The following ACACB variants were observed in gnomAD, a reference collection of about 807,000 sequenced individuals.
ACACB encodes the protein acetyl-CoA carboxylase 2.
Under a neutral mutation model 278.8 loss-of-function variants are expected in ACACB, and 209 were observed. The observed-to-expected ratio is 0.75, with a 90% CI of 0.67 to 0.84. The LOEUF (loss-of-function observed/expected upper bound fraction) is 0.84. ACACB is among the 40% of genes least tolerant of loss of function. ACACB has a pLI of 0.00. For missense variants in ACACB, 2,850 were observed against 3,269.0 expected (o/e 0.87, Z 3.13); for synonymous variants, 1,174 against 1,285.6 (o/e 0.91, Z 1.86).
At chr12:109,169,939 C>T (rs1385337128) in intron 4 of ACACB, among the ~76,000 whole-genome samples, 1 of 152,152 alleles carries the variant, frequency 6.6e-6, no homozygotes, top group Non-Finnish European at 1.5e-5. Context: ...GGATTTCTTT[C>T]TGTGTTTGCA....
At chr12:109,223,327 C>G (rs192622911) in intron 26 of ACACB, among the ~76,000 whole-genome samples, 3 of 152,126 alleles carry the variant, frequency 2.0e-5, no homozygotes, top group African/African-American at 7.2e-5. Flanking sequence ...GCCGTCATCC[C>G]GGAGTTCTTC....
intron 2 of ACACB, among the ~76,000 whole-genome samples, chr12:109,160,205 G>T (rs2043680836): frequency 2.0e-5 from 3 of 152,108 alleles, no homozygotes; most frequent in African/African-American, 7.2e-5. Flanking sequence ...TAAAAGTCCA[G>T]TTAATAGAGG....
At chr12:109,261,609 G>A (rs1291945450) in intron 48 of ACACB, among the ~76,000 whole-genome samples, 1 of 152,080 alleles carries the variant, frequency 6.6e-6, no homozygotes, top group Non-Finnish European at 1.5e-5. Context: ...GGTGGCTCAC[G>A]CCTGTAATCC....
chr12:109,198,555 G>A (rs2045219752), intron 17 of ACACB, among the ~76,000 whole-genome samples: 1 of 152,142 alleles, frequency 6.6e-6, no homozygotes, highest in African/African-American at 2.4e-5. Context: ...GATTAGCCAA[G>A]TGTGGTGGCG....
intron 3 of ACACB, among the ~76,000 whole-genome samples, chr12:109,167,655 T>TATATATATATATATATATATATATA (rs1438380921): frequency 1.5e-5 from 1 of 66,504 alleles, no homozygotes; most frequent in African/African-American, 7.3e-5. Context: ...ATATATATAT[T>TATATATATATATATATATATATATA]TCAGACAAAC....
At chr12:109,197,238 G>C (rs752070128) in intron 17 of ACACB, 85 bp downstream of exon 17, 10 of 1,498,928 alleles carry the variant, frequency 6.7e-6, no homozygotes, top group Non-Finnish European at 8.9e-6. Flanking sequence ...TGGCCTGTGT[G>C]CAGGTCCAAG....
Position 109,266,754 on chromosome 12 carries a change from A to G in ACACB, c.*392A>G, listed in dbSNP as rs2136882578. ...TTTATTTTTTTACTCTGAGACCAGC[A>G]CCAGATGTAAGTAAGCATCTCATAT... On this transcript the variant is annotated 3_prime_UTR_variant, in exon 53 of 53. Transcript: ENST00000338432. 1 of 154,708 alleles carries G rather than the reference A, an allele frequency of 6.5e-6. No homozygotes were observed. Among genetic ancestry groups the G allele is most frequent in the Admixed American group, 6.5e-5 (1 of 15,344 alleles). The allele number at this position is 154,708 out of a possible 1,614,324, so 9.6% of individuals were successfully genotyped here. A position where few individuals can be genotyped will look rare whatever the true frequency, so the allele number is the denominator to read the frequency against.
Position 109,241,111 on chromosome 12 carries a change from T to A in ACACB, c.4852T>A (p.Tyr1618Asn), listed in dbSNP as rs562107218. ...EESVRYMVMRYGSRLWKLRVL... is the reference protein window; with the variant it reads ...EESVRYMVMRNGSRLWKLRVL... The stretch of plus-strand genomic sequence containing the variant: ...GTCCGTGCGCTACATGGTTATGCGC[T>A]ACGGCAGCCGGCTGTGGAAACTCCG... Residue 1618 changes from tyrosine to asparagine, a missense_variant, in exon 36 of 53, where the codon TAC (tyrosine) becomes AAC (asparagine). Tyr to Asn is a moderately radical substitution (Grantham distance 143, BLOSUM62 -2). This residue lies in a region of ACACB where 2,265 missense variants were observed against 2,561.3 expected (regional missense o/e 0.88). Transcript: ENST00000338432. 2 of 1,614,178 alleles carry A rather than the reference T, an allele frequency of 1.2e-6. No individual in the cohort carries two copies. Among genetic ancestry groups the A allele is most frequent in the Non-Finnish European group, 1.7e-6 (2 of 1,180,036 alleles).
intron 28 of ACACB, 97 bp from the exon 29 acceptor site, chr12:109,232,572 A>G: frequency 6.8e-7 from 1 of 1,464,082 alleles, no homozygotes; most frequent in South Asian, 1.3e-5. Context: ...AGAGCTCTAA[A>G]TCTGGTCCAG....
chr12:109,155,137 G>A (rs2043495300), intron 2 of ACACB, among the ~76,000 whole-genome samples: 1 of 152,188 alleles, frequency 6.6e-6, no homozygotes, highest in Admixed American at 6.5e-5. Context: ...GGCGGGAGGG[G>A]AGGAAGGAGG....
intron 22 of ACACB, among the ~76,000 whole-genome samples, chr12:109,214,681 T>A (rs2045942355): frequency 1.3e-5 from 2 of 152,192 alleles, no homozygotes; most frequent in African/African-American, 4.8e-5. Context: ...CTTGGTCTGT[T>A]TTGTTGTGAT....
chr12:109,212,360 C>T (rs117880879), intron 21 of ACACB, among the ~76,000 whole-genome samples: 7,459 of 152,090 alleles, frequency 0.049, 236 homozygotes, highest in Middle Eastern at 0.075. Context: ...ATTTATGGTG[C>T]ACTTTATTTC....
At chr12:109,150,818 C>A (rs538451051) in intron 2 of ACACB, among the ~76,000 whole-genome samples, 2 of 152,248 alleles carry the variant, frequency 1.3e-5, no homozygotes, top group African/African-American at 4.8e-5. Flanking sequence ...TATTTTTATG[C>A]GCCCCTGAGT....
At chr12:109,163,049 A>G (rs1173849441) in intron 2 of ACACB, among the ~76,000 whole-genome samples, 1 of 151,942 alleles carries the variant, frequency 6.6e-6, no homozygotes, top group Non-Finnish European at 1.5e-5. Flanking sequence ...TCAGCCTCCC[A>G]TGTAGGGGGG....
rs969688290 is a variant in ACACB at position 109,216,879 on chromosome 12, G to A, written c.3523G>A (p.Ala1175Thr). The change falls in exon 24 of 53, where the codon GCA becomes ACA. Residue 1175 changes from alanine to threonine, a missense_variant. Physicochemically the swap from Ala to Thr is moderately conservative, Grantham distance 58 (BLOSUM62 0). This residue lies in a region of ACACB where 2,265 missense variants were observed against 2,561.3 expected (regional missense o/e 0.88). Coordinates refer to ENST00000338432, the MANE Select transcript of ACACB (RefSeq NM_001093.4). ...GGTGCTGGACTGCATCTTCTCCCAC[G>A]CACAGGTGGCCAAGAAGAACCAGCT... is the stretch of plus-strand genomic sequence containing the variant. ...SQVLDCIFSHAQVAKKNQLVI... is the reference protein window; with the variant it reads ...SQVLDCIFSHTQVAKKNQLVI... 2.5e-5 allele frequency: 40 copies of A among 1,613,880 alleles called. No individual in the cohort carries two copies. The highest frequency in any genetic ancestry group is 3.1e-5 in the Non-Finnish European group (36 of 1,180,022).
At chr12:109,253,222 G>A in intron 43 of ACACB, 64 bp downstream of exon 43, 1 of 1,443,024 alleles carries the variant, frequency 6.9e-7, no homozygotes, top group Non-Finnish European at 9.2e-7. Context: ...GGCTAATTCT[G>A]TCCCTGTCAC....
At chr12:109,180,194 G>A in intron 11 of ACACB, 107 bp downstream of exon 11, 1 of 1,172,592 alleles carries the variant, frequency 8.5e-7, no homozygotes, top group Non-Finnish European at 1.2e-6. Context: ...CTGTCCCAGG[G>A]GAATGACTGG....
At chr12:109,126,948 T>TACTGA (rs1565844421) in intron 1 of ACACB, among the ~76,000 whole-genome samples, 1 of 151,436 alleles carries the variant, frequency 6.6e-6, no homozygotes, top group Non-Finnish European at 1.5e-5. Flanking sequence ...TGTACACCCG[T>TACTGA]ACTCTAGGAT....
At chr12:109,188,196 TCC>T in intron 13 of ACACB, 34 bp downstream of exon 13, 2 of 1,190,114 alleles carry the variant, frequency 1.7e-6, no homozygotes, top group East Asian at 2.5e-5. Context: ...CTTCCTTCCT[TCC>T]TTCCTTCCTT....
Sources: gnomAD v4.1 joint callset for allele counts (sites outside exome capture counted in the v4.1 genomes callset) on GRCh38, gnomAD v4.1.1 for gene constraint, gnomAD v4.1.1 regional missense constraint, MANE v1.5 for transcripts, NCBI Gene and HGNC (gene_info 2026-07-23, HGNC 2026-07-21) for gene names.